The following APP variants were observed in gnomAD, a reference collection of about 807,000 sequenced individuals.
APP encodes amyloid-beta precursor protein.
In APP, 31 loss-of-function variants were observed where a neutral mutation model predicts 101.4. The observed-to-expected ratio is 0.31, with a 90% CI of 0.23 to 0.41. The LOEUF is 0.41. Ranked by LOEUF, APP falls within the 10% of genes least tolerant of loss-of-function variation. APP has a pLI of 1.00. For missense variants in APP, 839 were observed against 1,003.7 expected, an observed-to-expected ratio of 0.84 and a Z score of 2.22; for synonymous variants, 366 against 364.4, an observed-to-expected ratio of 1.00 and a Z score of -0.05.
rs201458979 is a variant in APP at position 25,896,429 on chromosome 21, C to CAT, written c.2064+1143_2064+1144insAT. 6.7e-3 allele frequency among the ~76,000 whole-genome samples: 1,025 copies of CAT among 152,126 alleles called. 1 individual carries two copies. Among genetic ancestry groups the CAT allele is most frequent in the Middle Eastern group, 0.01 (3 of 294 alleles). On this transcript the variant is annotated intron_variant, in intron 16 of 17. Coordinates refer to ENST00000346798, the MANE Select transcript of APP (RefSeq NM_000484.4). ...GAAAAAAGTAACACTCACACACACA[C>CAT]ACACACAAAACAAAACAAAAGAAGT...
At chr21:26,032,285 C>T (rs2044864116) in intron 5 of APP, among the ~76,000 whole-genome samples, 1 of 152,082 alleles carries the variant, frequency 6.6e-6, no homozygotes, top group Admixed American at 6.5e-5. Flanking sequence ...ATAGACACCC[C>T]TAGCACAATG....
At chr21:26,092,294 C>T (rs2061841487) in intron 2 of APP, among the ~76,000 whole-genome samples, 1 of 152,122 alleles carries the variant, frequency 6.6e-6, no homozygotes, top group African/African-American at 2.4e-5. Flanking sequence ...GAATAAATAA[C>T]ACTGTGGGGT....
Position 26,164,487 on chromosome 21 carries a change from C to A in APP, c.57+6077G>T, listed in dbSNP as rs183091396. ...TACTGAAAACTAAACCAAGTCTGTT[C>A]ACAGTTCCTTGCACATAGCTGATAG... On this transcript the variant is annotated intron_variant, in intron 1 of 17. Transcript: ENST00000346798. Among the ~76,000 whole-genome samples the A allele has an allele frequency of 1.4e-3, 212 of 152,294 alleles. 3 individuals are homozygous for A. Among genetic ancestry groups the A allele is most frequent in the South Asian group, 2.3e-3 (11 of 4,826 alleles).
At chr21:26,101,493 T>C (rs1257345910) in intron 2 of APP, among the ~76,000 whole-genome samples, 1 of 152,180 alleles carries the variant, frequency 6.6e-6, no homozygotes, top group African/African-American at 2.4e-5. Flanking sequence ...TGCCTGTGTG[T>C]TTCTATCATA....
intron 2 of APP, among the ~76,000 whole-genome samples, chr21:26,106,130 C>T (rs183445982): frequency 1.3e-5 from 2 of 152,334 alleles, no homozygotes; most frequent in South Asian, 2.1e-4. Context: ...TACCAGAGGT[C>T]GTGGCTACCA....
chr21:26,044,391 C>A (rs1244307864), intron 5 of APP, among the ~76,000 whole-genome samples: 1 of 152,188 alleles, frequency 6.6e-6, no homozygotes, highest in Non-Finnish European at 1.5e-5. Flanking sequence ...GAACAACTGA[C>A]AGAAGGAGGC....
At chr21:25,991,522 C>T (rs554516955) in intron 8 of APP, among the ~76,000 whole-genome samples, 126 of 152,138 alleles carry the variant, frequency 8.3e-4, no homozygotes, top group Middle Eastern at 3.4e-3. Context: ...GGATTACAGG[C>T]GCCCATCACC....
intron 13 of APP, among the ~76,000 whole-genome samples, chr21:25,921,521 C>T (rs1029349623): frequency 1.4e-4 from 21 of 148,444 alleles, no homozygotes; most frequent in African/African-American, 4.4e-4. Context: ...CAAATAGACA[C>T]GATAAAAAAT....
chr21:25,938,750 C>G lies in APP; in HGVS notation c.1687+15840G>C, dbSNP rs189267102. 2.6e-3 allele frequency among the ~76,000 whole-genome samples: 392 copies of G among 152,194 alleles called. 2 individuals carry two copies. Among genetic ancestry groups the G allele is most frequent in the African/African-American group, 9.2e-3 (382 of 41,520 alleles). ...CTTAAAGCAGCTAAACCGAAGACAC[C>G]GACAAATACCAGATACTTTTCTCAG... is the stretch of plus-strand genomic sequence containing the variant. On this transcript the variant is annotated intron_variant, in intron 13 of 17. Coordinates refer to ENST00000346798, the MANE Select transcript of APP (RefSeq NM_000484.4).
chr21:26,049,789 A>C (rs1032940392), intron 5 of APP, among the ~76,000 whole-genome samples: 2 of 152,198 alleles, frequency 1.3e-5, no homozygotes, highest in Non-Finnish European at 2.9e-5. Flanking sequence ...AAAGAGGATA[A>C]TGGACTAAAA....
At chr21:26,070,491 A>G (rs749183473) in intron 3 of APP, among the ~76,000 whole-genome samples, 1 of 152,208 alleles carries the variant, frequency 6.6e-6, no homozygotes, top group Non-Finnish European at 1.5e-5. Flanking sequence ...TCTAGTGGCA[A>G]CTGGATGTTA....
chr21:26,111,879 T>C (rs1410510951), intron 2 of APP, 100 bp downstream of exon 2: 2 of 1,265,882 alleles, frequency 1.6e-6, no homozygotes, highest in Non-Finnish European at 2.3e-6. Flanking sequence ...AGATTTTTAC[T>C]GTAGGGTTAA....
intron 1 of APP, among the ~76,000 whole-genome samples, chr21:26,131,232 AAAAT>A (rs899937779): frequency 5.3e-5 from 8 of 152,158 alleles, no homozygotes; most frequent in East Asian, 1.9e-4. Flanking sequence ...GCCACCTCAA[AAAAT>A]AAATAAATAA....
chr21:26,158,624 T>G (rs529681349), intron 1 of APP, among the ~76,000 whole-genome samples: 1 of 152,308 alleles, frequency 6.6e-6, no homozygotes, highest in African/African-American at 2.4e-5. Context: ...TAGGAACATT[T>G]AAAAGTACTC....
chr21:26,133,438 T>TATGG (rs903936041), intron 1 of APP, among the ~76,000 whole-genome samples: 6 of 152,244 alleles, frequency 3.9e-5, no homozygotes, highest in African/African-American at 1.4e-4. Flanking sequence ...ATCATTAGAC[T>TATGG]ATGGATTCAG....
intron 13 of APP, among the ~76,000 whole-genome samples, chr21:25,952,340 T>G (rs868083433): frequency 6.6e-6 from 1 of 151,612 alleles, no homozygotes; most frequent in African/African-American, 2.4e-5. Context: ...GTTGGTGTGC[T>G]GCACCCCCTA....
At chr21:26,036,970 A>G (rs901396020) in intron 5 of APP, among the ~76,000 whole-genome samples, 2 of 148,152 alleles carry the variant, frequency 1.3e-5, no homozygotes, top group African/African-American at 2.5e-5. Flanking sequence ...AGAAAATGTG[A>G]TGTGTGTGTG....
At chr21:26,080,767 C>T (rs931127508) in intron 3 of APP, among the ~76,000 whole-genome samples, 1 of 141,088 alleles carries the variant, frequency 7.1e-6, no homozygotes, top group East Asian at 2.1e-4. Context: ...TAGACTCTAT[C>T]TCAAAAAAAA....
At chr21:26,170,274 C>T (rs1569060521) in intron 1 of APP, among the ~76,000 whole-genome samples, 1 of 152,138 alleles carries the variant, frequency 6.6e-6, no homozygotes, top group Admixed American at 6.5e-5. Flanking sequence ...GGGACTAAGT[C>T]GGGGTCTGGG....
Sources: allele counts gnomAD v4.1 joint callset (sites outside exome capture counted in the v4.1 genomes callset), GRCh38; gene constraint gnomAD v4.1.1; transcripts MANE v1.5; gene names NCBI Gene and HGNC (gene_info 2026-07-23, HGNC 2026-07-21).